JMY: variants seen among roughly 807,000 people sequenced by gnomAD.
JMY encodes junction-mediating and -regulatory protein.
A neutral mutation model predicts 103.3 loss-of-function variants in JMY; 46 were observed. That is an observed-to-expected ratio of 0.45 (90% confidence interval 0.35 to 0.57). The LOEUF is 0.57. Among genes scored for constraint, JMY ranks in the 20% least tolerant of loss-of-function variants. The pLI is 0.00. For synonymous variants in JMY, 526 were observed against 489.3 expected (o/e 1.07, Z -0.99); for missense variants, 1,238 against 1,255.2 (o/e 0.99, Z 0.21).
intron 1 of JMY, among the ~76,000 whole-genome samples, chr5:79,247,107 TAGAA>T (rs1744928348): frequency 6.6e-6 from 1 of 152,210 alleles, no homozygotes; most frequent in African/African-American, 2.4e-5. Flanking sequence ...TGCATCCCTG[TAGAA>T]AGAGAGTGAG....
chr5:79,314,632 C>CCCCCCCCCACAAA lies in JMY; in HGVS notation c.2444_2445insCCCCACAAACCCC (p.Pro817ThrfsTer18). 7.4e-7 allele frequency: 1 copy of CCCCCCCCCACAAA among 1,347,058 alleles called. No homozygotes were observed. The highest frequency in any genetic ancestry group is 1.1e-6 in the Non-Finnish European group (1 of 949,354). 83.4% of individuals were successfully genotyped at this position (1,347,058 alleles called of 1,614,324 possible). A position where few individuals can be genotyped will look rare whatever the true frequency, so the allele number is the denominator to read the frequency against. On this transcript the variant is annotated frameshift_variant, in exon 9 of 11. Transcript: ENST00000396137. LOFTEE classifies it high-confidence loss of function. ...CCCTCTTCCTCCAACACCACCACCT[C>CCCCCCCCCACAAA]CCCCACCTCCTCCCCCTCCCCCACC...
At chr5:79,283,976 T>C (rs932729744) in intron 2 of JMY, among the ~76,000 whole-genome samples, 2 of 152,226 alleles carry the variant, frequency 1.3e-5, no homozygotes, top group Non-Finnish European at 2.9e-5. Flanking sequence ...AGCGTGTTTG[T>C]ATTCTTTGTA....
intron 4 of JMY, among the ~76,000 whole-genome samples, chr5:79,297,384 A>G (rs1746594136): frequency 6.6e-6 from 1 of 152,084 alleles, no homozygotes; most frequent in South Asian, 2.1e-4. Flanking sequence ...GCACTGCTCC[A>G]TTATCTGGAA....
In JMY at chr5:79,316,316, C is replaced by A; in HGVS notation, c.*3+6C>A. On this transcript the variant is annotated splice_donor_region_variant and intron_variant, in intron 10 of 10. Coordinates refer to ENST00000396137, the MANE Select transcript of JMY (RefSeq NM_152405.5). ...CAGACTGGGAGAACTAACAAGTAAA[C>A]GGCCTTATTGTCTTTAGTAGCATTC... 6.3e-7 allele frequency: 1 copy of A among 1,594,416 alleles called. No individual in the cohort carries two copies.
chr5:79,288,680 G>GT (rs999144081), intron 2 of JMY, among the ~76,000 whole-genome samples: 4 of 148,868 alleles, frequency 2.7e-5, no homozygotes, highest in African/African-American at 5.0e-5. Context: ...TTTTTTTTTT[G>GT]TTTTTTTGGT....
At chr5:79,299,582 T>C (rs1746670982) in intron 4 of JMY, among the ~76,000 whole-genome samples, 1 of 152,100 alleles carries the variant, frequency 6.6e-6, no homozygotes, top group Non-Finnish European at 1.5e-5. Context: ...GTTGATTACA[T>C]TTACCTAAAG....
intron 8 of JMY, among the ~76,000 whole-genome samples, chr5:79,313,180 C>T (rs1747103876): frequency 6.6e-6 from 1 of 152,168 alleles, no homozygotes; most frequent in Non-Finnish European, 1.5e-5. Flanking sequence ...GTAATCCCAG[C>T]ACTTTATGAG....
chr5:79,312,562 T>C, intron 8 of JMY, 64 bp downstream of exon 8: 1 of 793,200 alleles, frequency 1.3e-6, no homozygotes, highest in Non-Finnish European at 1.9e-6. Context: ...GAGCTACATA[T>C]ACACCTGTAG....
In JMY at chr5:79,291,010, T is replaced by C. The variant is rs1019688726; in HGVS notation, c.1358-120T>C. The C allele has an allele frequency of 1.0e-4, 67 of 663,202 alleles. No individual in the cohort carries two copies. In the East Asian group the frequency reaches 1.9e-3, roughly 19 times the overall value. 41.1% of individuals were successfully genotyped at this position (663,202 alleles called of 1,614,324 possible). A position where few individuals can be genotyped will look rare whatever the true frequency, so the allele number is the denominator to read the frequency against. The stretch of plus-strand genomic sequence containing the variant: ...ATAAAAGAAAAAAAGAAAAAAGTTA[T>C]AAGCAGTTTATCATGACAGCAGGAT... On this transcript the variant is annotated intron_variant, in intron 3 of 10. Coordinates refer to ENST00000396137, the MANE Select transcript of JMY (RefSeq NM_152405.5).
intron 1 of JMY, among the ~76,000 whole-genome samples, chr5:79,239,811 AAAAAAAAAAAG>A (rs1381881109): frequency 2.7e-5 from 4 of 148,438 alleles, no homozygotes; most frequent in African/African-American, 9.8e-5. Context: ...CTCCGTCTCA[AAAAAAAAAAAG>A]AAAAGAAAAA....
At chr5:79,271,088 C>G (rs1745770416) in intron 1 of JMY, among the ~76,000 whole-genome samples, 1 of 151,910 alleles carries the variant, frequency 6.6e-6, no homozygotes, top group African/African-American at 2.4e-5. Flanking sequence ...TTTTTTAAGA[C>G]AGGGCCTTGC....
intron 3 of JMY, among the ~76,000 whole-genome samples, chr5:79,290,637 C>T (rs2404143): frequency 0.046 from 7,021 of 152,104 alleles, 362 homozygotes; most frequent in Admixed American, 0.16. Context: ...AACTGCAGAA[C>T]GTTATTTCTG....
intron 1 of JMY, among the ~76,000 whole-genome samples, chr5:79,238,998 G>A (rs1744650997): frequency 6.6e-6 from 1 of 152,152 alleles, no homozygotes; most frequent in Non-Finnish European, 1.5e-5. Flanking sequence ...ATATTCCTAA[G>A]ATTGTGTTGT....
chr5:79,271,668 G>A (rs1463909578), intron 1 of JMY, among the ~76,000 whole-genome samples: 5 of 152,102 alleles, frequency 3.3e-5, no homozygotes, highest in African/African-American at 1.2e-4. Flanking sequence ...TGACTGAGGA[G>A]TGTTAAAATC....
chr5:79,303,030 G>A lies in JMY; in HGVS notation c.1881+2167G>A, dbSNP rs565760420. On this transcript the variant is annotated intron_variant, in intron 6 of 10. Transcript: ENST00000396137. Reference sequence around the variant, plus strand: ...GGATTGGGCATTGAGGTAGATGATGGTGTCACCAACCAAGATGGAAAACCC... The same window carrying A: ...GGATTGGGCATTGAGGTAGATGATGATGTCACCAACCAAGATGGAAAACCC... Among the ~76,000 whole-genome samples the A allele has an allele frequency of 5.9e-5, 9 of 152,224 alleles. No individual in the cohort carries two copies. The South Asian group carries it at 1.2e-3, about 21-fold the overall frequency.
intron 6 of JMY, among the ~76,000 whole-genome samples, chr5:79,305,398 G>T (rs1746850643): frequency 6.6e-6 from 1 of 151,950 alleles, no homozygotes; most frequent in Admixed American, 6.5e-5. Flanking sequence ...GTTGCAGTAA[G>T]CCAGAGATCA....
intron 9 of JMY, among the ~76,000 whole-genome samples, chr5:79,315,553 A>G (rs1423003304): frequency 6.6e-6 from 1 of 152,194 alleles, no homozygotes; most frequent in East Asian, 1.9e-4. Context: ...TCTTGATGTA[A>G]TCTGAGTAGG....
Position 79,290,105 on chromosome 5 carries a change from C to T in JMY, c.1207-16C>T, listed in dbSNP as rs1264598132. ...AAAGACTTGAACTTCTTAATTTTTT[C>T]TTTTTCTCTCTGAAGATTTCCATGG... On this transcript the variant is annotated splice_polypyrimidine_tract_variant and intron_variant, in intron 2 of 10. Transcript: ENST00000396137. The T allele has an allele frequency of 1.3e-6, 2 of 1,552,932 alleles. No homozygotes were observed. Among genetic ancestry groups the T allele is most frequent in the Non-Finnish European group, 8.7e-7 (1 of 1,152,528 alleles).
In JMY at chr5:79,238,648, C is replaced by CTTTTTTTTT. The variant is rs1055172051; in HGVS notation, c.1032+976_1032+984dup. ...AATGCACCCCCGCCCTCCGCGCCTT[C>CTTTTTTTTT]TTTTTTTTTTTTTTTTTTGGAAGCA... On this transcript the variant is annotated intron_variant, in intron 1 of 10. Transcript: ENST00000396137. 1.2e-3 allele frequency among the ~76,000 whole-genome samples: 139 copies of CTTTTTTTTT among 120,572 alleles called. 2 individuals are homozygous for CTTTTTTTTT. Among genetic ancestry groups the CTTTTTTTTT allele is most frequent in the South Asian group, 2.3e-3 (8 of 3,472 alleles). 79.1% of individuals were successfully genotyped at this position (120,572 alleles called of 152,430 possible).
Sources: allele counts gnomAD v4.1 joint callset (sites outside exome capture counted in the v4.1 genomes callset), GRCh38; gene constraint gnomAD v4.1.1; transcripts MANE v1.5; gene names NCBI Gene and HGNC (gene_info 2026-07-23, HGNC 2026-07-21).